RBFOX1: variants seen among roughly 807,000 people sequenced by gnomAD.
The protein encoded by RBFOX1 is RNA binding fox-1 homolog 1, also known as RNA binding protein fox-1 homolog 1.
Under a neutral mutation model 57.7 loss-of-function variants are expected in RBFOX1, and 8 were observed. That is an observed-to-expected ratio of 0.14 (90% CI 0.08 to 0.25). The LOEUF is 0.25. Among genes scored for constraint, RBFOX1 ranks in the 10% least tolerant of loss-of-function variants. RBFOX1 has a pLI of 1.00. For missense variants in RBFOX1, 611 were observed against 548.5 expected (o/e 1.11, Z -1.14); for synonymous variants, 326 against 222.4 (o/e 1.47, Z -4.15).
At chr16:5,876,533 A>T (rs2057615934) in intron 4 of RBFOX1, among the ~76,000 whole-genome samples, 2 of 152,062 alleles carry the variant, frequency 1.3e-5, no homozygotes, top group South Asian at 4.1e-4. Flanking sequence ...GAAAAATCTC[A>T]TCTCTCCTCC....
intron 3 of RBFOX1, among the ~76,000 whole-genome samples, chr16:6,977,895 G>A (rs1414262208): frequency 1.4e-5 from 2 of 138,974 alleles, no homozygotes; most frequent in East Asian, 4.3e-4. Flanking sequence ...GGACTCTCTA[G>A]GGAGATCCCA....
intron 4 of RBFOX1, among the ~76,000 whole-genome samples, chr16:7,136,194 A>T (rs990823774): frequency 1.3e-5 from 2 of 152,234 alleles, no homozygotes; most frequent in Admixed American, 6.5e-5. Context: ...AAGGAACAGA[A>T]TAAAGGCTAG....
intron 4 of RBFOX1, among the ~76,000 whole-genome samples, chr16:7,455,686 C>G (rs1346762581): frequency 2.0e-5 from 3 of 147,416 alleles, no homozygotes; most frequent in African/African-American, 7.5e-5. Context: ...ACTCAGGAGG[C>G]TGAGGTGGGA....
intron 4 of RBFOX1, among the ~76,000 whole-genome samples, chr16:7,324,983 GT>G (rs1472151734): frequency 2.6e-5 from 4 of 152,170 alleles, no homozygotes; most frequent in Non-Finnish European, 5.9e-5. Context: ...CTGGGTCTTA[GT>G]TTTTTGTTTG....
intron 1 of RBFOX1, among the ~76,000 whole-genome samples, chr16:6,204,154 A>C (rs1005435290): frequency 4.6e-5 from 7 of 152,096 alleles, no homozygotes; most frequent in African/African-American, 1.7e-4. Flanking sequence ...TTGATACTCA[A>C]CTTTGGAATC....
intron 2 of RBFOX1, among the ~76,000 whole-genome samples, chr16:6,560,758 G>A (rs1476595634): frequency 1.3e-5 from 2 of 152,188 alleles, no homozygotes; most frequent in South Asian, 2.1e-4. Flanking sequence ...TGATTATGTG[G>A]TTGATGTCTG....
intron 3 of RBFOX1, among the ~76,000 whole-genome samples, chr16:6,931,335 ATC>A (rs1567941983): frequency 7.1e-4 from 75 of 105,932 alleles, no homozygotes; most frequent in Middle Eastern, 4.7e-3. Flanking sequence ...CTATCTATCT[ATC>A]TCTACACACA....
chr16:6,552,663 CAA>C (rs961367220), intron 2 of RBFOX1, among the ~76,000 whole-genome samples: 4 of 151,956 alleles, frequency 2.6e-5, no homozygotes, highest in Non-Finnish European at 5.9e-5. Flanking sequence ...GAAAAAGAAA[CAA>C]AATTTGTATA....
At chr16:6,702,553 CAA>C (rs71145280) in intron 3 of RBFOX1, among the ~76,000 whole-genome samples, 13,703 of 145,764 alleles carry the variant, frequency 0.094, 950 homozygotes, top group African/African-American at 0.2. Flanking sequence ...GAGTCCATCT[CAA>C]AAAAAAAAAA....
chr16:7,029,081 T>TAC (rs71147635), intron 3 of RBFOX1, among the ~76,000 whole-genome samples: 44 of 47,928 alleles, frequency 9.2e-4, no homozygotes, highest in East Asian at 7.7e-3. Flanking sequence ...TATATATATA[T>TAC]ACACACACAC....
chr16:6,018,755 C>T (rs566220439), upstream of RBFOX1, among the ~76,000 whole-genome samples: 2 of 152,276 alleles, frequency 1.3e-5, no homozygotes, highest in African/African-American at 4.8e-5. Context: ...GGGGATTTGT[C>T]TACTTTGATT....
chr16:7,280,966 TC>T (rs2095530399), intron 4 of RBFOX1, among the ~76,000 whole-genome samples: 2 of 45,004 alleles, frequency 4.4e-5, no homozygotes, highest in African/African-American at 1.7e-4. Flanking sequence ...CCTCCCTCCC[TC>T]CCTCCCTCCC....
intron 1 of RBFOX1, among the ~76,000 whole-genome samples, chr16:5,428,209 C>G (rs996802176): frequency 2.0e-5 from 3 of 151,958 alleles, no homozygotes; most frequent in Non-Finnish European, 1.5e-5. Context: ...CTGAACTTCC[C>G]CATGGCAGAA....
intron 3 of RBFOX1, among the ~76,000 whole-genome samples, chr16:6,706,911 A>G (rs919465312): frequency 2.0e-5 from 3 of 152,112 alleles, no homozygotes; most frequent in Non-Finnish European, 4.4e-5. Context: ...CAATATTGCT[A>G]GTTGTTTGTA....
At chr16:6,229,065 C>G (rs1023671993) in intron 1 of RBFOX1, among the ~76,000 whole-genome samples, 2 of 152,082 alleles carry the variant, frequency 1.3e-5, no homozygotes, top group African/African-American at 2.4e-5. Context: ...ACAGAATAGA[C>G]TCTTCCTTGG....
chr16:5,723,516 G>A (rs533469852), intron 3 of RBFOX1, among the ~76,000 whole-genome samples: 2 of 151,688 alleles, frequency 1.3e-5, no homozygotes, highest in African/African-American at 2.4e-5. Flanking sequence ...GCTTGGGCTG[G>A]ATGGTGTCTG....
At chr16:5,268,597 T>G (rs1275025377) in intron 1 of RBFOX1, among the ~76,000 whole-genome samples, 1 of 152,220 alleles carries the variant, frequency 6.6e-6, no homozygotes, top group East Asian at 1.9e-4. Flanking sequence ...TATGAGCAAC[T>G]GATGAAGTCA....
At chr16:6,237,751 C>T (rs60413790) in intron 1 of RBFOX1, among the ~76,000 whole-genome samples, 29,937 of 151,462 alleles carry the variant, frequency 0.2, 3,646 homozygotes, top group African/African-American at 0.35. Flanking sequence ...AAAAATAAAA[C>T]AAAATAAAAT....
At chr16:6,879,564 C>G (rs1272671439) in intron 3 of RBFOX1, among the ~76,000 whole-genome samples, 3 of 152,220 alleles carry the variant, frequency 2.0e-5, no homozygotes, top group Admixed American at 2.0e-4. Context: ...GTAGATTCAA[C>G]ATAAGTTTCC....
Sources: allele counts gnomAD v4.1 joint callset (sites outside exome capture counted in the v4.1 genomes callset), GRCh38; gene constraint gnomAD v4.1.1; transcripts MANE v1.5; gene names NCBI Gene and HGNC (gene_info 2026-07-23, HGNC 2026-07-21).